MAP3K19: variants seen among roughly 807,000 people sequenced by gnomAD.
The protein encoded by MAP3K19 is mitogen-activated protein kinase kinase kinase 19, also known as SPS1/STE20-related protein kinase YSK4.
Under a neutral mutation model 114.4 loss-of-function variants are expected in MAP3K19, and 91 were observed. That is an observed-to-expected ratio of 0.80 (90% confidence interval 0.67 to 0.95). The LOEUF (loss-of-function observed/expected upper bound fraction) is 0.95, where lower values mean the gene tolerates loss of function less well. Among genes scored for constraint, MAP3K19 ranks in the 40% least tolerant of loss-of-function variants. MAP3K19 has a pLI of 0.00. For synonymous variants in MAP3K19, 518 were observed against 530.5 expected, an observed-to-expected ratio of 0.98 and a Z score of 0.32; for missense variants, 1,471 against 1,573.2, an observed-to-expected ratio of 0.94 and a Z score of 1.10.
chr2:135,042,295 G>T (rs1688660555), intron 1 of MAP3K19, among the ~76,000 whole-genome samples: 1 of 152,064 alleles, frequency 6.6e-6, no homozygotes, highest in Non-Finnish European at 1.5e-5. Flanking sequence ...GAGGTCAGGA[G>T]ATTGAGACCA....
chr2:135,032,006 T>A (rs1030498262), intron 2 of MAP3K19, among the ~76,000 whole-genome samples: 1 of 152,036 alleles, frequency 6.6e-6, no homozygotes, highest in African/African-American at 2.4e-5. Flanking sequence ...AAATCAAAAA[T>A]TCAGATAACA....
chr2:134,986,393 T>A lies in MAP3K19; in HGVS notation c.2479A>T (p.Asn827Tyr). 21 of 1,613,930 alleles carry A rather than the reference T, an allele frequency of 1.3e-5. No homozygotes were observed. Among genetic ancestry groups the A allele is most frequent in the Non-Finnish European group, 1.8e-5 (21 of 1,180,018 alleles). Residue 827 changes from asparagine (N) to tyrosine (Y), a missense_variant, in exon 10 of 13, where the codon AAT becomes TAT. Physicochemically the swap from Asn to Tyr is moderately radical, Grantham distance 143. Transcript: ENST00000392915. ...CTGAGGCTTGTGGTGAGTATTTGAT[T>A]GTTAGAAATGTCTCTATCACCAGTA... is the stretch of plus-strand genomic sequence containing the variant. ...ESTGDRDISN[N>Y]QILTTSLRDL...
chr2:135,013,951 T>A (rs1687411366), intron 5 of MAP3K19, among the ~76,000 whole-genome samples: 1 of 152,192 alleles, frequency 6.6e-6, no homozygotes, highest in Non-Finnish European at 1.5e-5. Flanking sequence ...GTAGCTTCCT[T>A]AAAAGGTATA....
In MAP3K19 at chr2:134,999,891, C is replaced by T; in HGVS notation, c.314+46G>A. The T allele has an allele frequency of 7.9e-7, 1 of 1,265,064 alleles. No individual in the cohort carries two copies. Among genetic ancestry groups the T allele is most frequent in the Non-Finnish European group, 1.2e-6 (1 of 863,032 alleles). 78.4% of individuals were successfully genotyped at this position (1,265,064 alleles called of 1,614,324 possible). A position where few individuals can be genotyped will look rare whatever the true frequency, so the allele number is the denominator to read the frequency against. On this transcript the variant is annotated intron_variant, in intron 7 of 12. Coordinates refer to ENST00000392915, the MANE Select transcript of MAP3K19 (RefSeq NM_025052.5). This position sits in a 1 kb window ranked among gnomAD's most constrained non-coding sequence, Gnocchi z 4.1. Reference sequence around the variant, plus strand: ...GTAGGTTGCCATATGACTATCATTGCTTCATACTTCATTTCAAATCTGATA... The same window carrying T: ...GTAGGTTGCCATATGACTATCATTGTTTCATACTTCATTTCAAATCTGATA...
intron 12 of MAP3K19, among the ~76,000 whole-genome samples, chr2:134,979,724 G>T (rs987077392): frequency 6.9e-6 from 1 of 145,470 alleles, no homozygotes; most frequent in Non-Finnish European, 1.5e-5. Context: ...GAAACCTAAG[G>T]GTTCTCTGCA....
intron 5 of MAP3K19, among the ~76,000 whole-genome samples, chr2:135,006,334 G>A (rs1179289731): frequency 6.6e-6 from 1 of 152,068 alleles, no homozygotes; most frequent in Non-Finnish European, 1.5e-5. Context: ...GATCTAGGTG[G>A]ACTACCTATT....
chr2:135,044,674 G>A (rs1391735849), intron 1 of MAP3K19, among the ~76,000 whole-genome samples: 1 of 152,160 alleles, frequency 6.6e-6, no homozygotes, highest in Admixed American at 6.6e-5. Context: ...CCGTTTTCAT[G>A]TTTGGACCTT....
rs1476573281 is a variant in MAP3K19 at position 134,964,831 on chromosome 2, A to G, written c.*19T>C. On this transcript the variant is annotated 3_prime_UTR_variant, in exon 13 of 13. Coordinates refer to ENST00000392915, the MANE Select transcript of MAP3K19 (RefSeq NM_025052.5). ...GGGAGCATCTGCAGTGGAACTGGGAAGAAAGTCTTGATGTATATTCAGTGA... is the reference window on the plus strand; with the variant it reads ...GGGAGCATCTGCAGTGGAACTGGGAGGAAAGTCTTGATGTATATTCAGTGA... 1.9e-6 allele frequency: 3 copies of G among 1,599,834 alleles called. No individual in the cohort carries two copies. Among genetic ancestry groups the G allele is most frequent in the Non-Finnish European group, 2.6e-6 (3 of 1,167,870 alleles).
chr2:134,964,763 G>C lies in MAP3K19; in HGVS notation c.*87C>G. 9.2e-7 allele frequency: 1 copy of C among 1,090,208 alleles called. No individual in the cohort carries two copies. Among genetic ancestry groups the C allele is most frequent in the Non-Finnish European group, 1.4e-6 (1 of 731,978 alleles). 67.5% of individuals were successfully genotyped at this position (1,090,208 alleles called of 1,614,324 possible). The stretch of plus-strand genomic sequence containing the variant: ...CTGGGTTAGACTGAATTTTCAGTGG[G>C]GAAACAAAGATCCCTTAGCCATCAT... On this transcript the variant is annotated 3_prime_UTR_variant, in exon 13 of 13. Transcript: ENST00000392915.
intron 5 of MAP3K19, among the ~76,000 whole-genome samples, chr2:135,020,049 C>T (rs1687865189): frequency 6.6e-6 from 1 of 151,778 alleles, no homozygotes; most frequent in Non-Finnish European, 1.5e-5. Context: ...TGGAGTTTCG[C>T]TCTTATTGCC....
At position 134,986,837 on chromosome 2, in the gene MAP3K19, T is replaced by C; in HGVS notation, c.2035A>G (p.Arg679Gly). 1.2e-6 allele frequency: 2 copies of C among 1,614,194 alleles called. No individual in the cohort carries two copies. The highest frequency in any genetic ancestry group is 1.7e-6 in the Non-Finnish European group (2 of 1,180,028). The part of the protein sequence containing the change: ...PVYCHVRETE[R>G]DENTYYREIC... ...TCACGGTAATACGTGTTTTCATCCCTTTCAGTCTCTCGCACATGACAATAA... is the reference window on the plus strand; with the variant it reads ...TCACGGTAATACGTGTTTTCATCCCCTTCAGTCTCTCGCACATGACAATAA... The change falls in exon 10 of 13, where the codon AGG becomes GGG. Residue 679 changes from arginine to glycine, a missense_variant. Transcript: ENST00000392915.
rs1275204141 is a variant in MAP3K19, at chr2:134,981,362, A to G, written c.3379T>C (p.Leu1127=). ...ALKHVNIVAY[L]GTCLQENTVS... ...GTGTTCTCTTGCAAGCATGTCCCCA[A>G]ATAGGCCACAATGTTGACATGTTTC... The change falls in exon 12 of 13, where the codon TTG becomes CTG. Residue 1127 remains leucine (L), a synonymous_variant. Coordinates refer to ENST00000392915, the MANE Select transcript of MAP3K19 (RefSeq NM_025052.5). 1.2e-6 allele frequency: 2 copies of G among 1,614,060 alleles called. No individual in the cohort carries two copies. The highest frequency in any genetic ancestry group is 2.7e-5 in the African/African-American group (2 of 74,910).
chr2:135,025,377 CTTTTTTTTTTTTTTT>C (rs754598942), intron 3 of MAP3K19, among the ~76,000 whole-genome samples: 4 of 69,534 alleles, frequency 5.8e-5, no homozygotes, highest in South Asian at 4.8e-4. Flanking sequence ...CTTTTCTTTT[CTTTTTTTTTTTTTTT>C]TTTTTTTTTT....
At chr2:134,980,172 A>T (rs1001118336) in intron 12 of MAP3K19, among the ~76,000 whole-genome samples, 5 of 152,174 alleles carry the variant, frequency 3.3e-5, no homozygotes, top group Non-Finnish European at 7.4e-5. Context: ...CCCCATGGAT[A>T]CACACTTTAA....
chr2:135,006,696 G>C (rs759661501), intron 5 of MAP3K19, among the ~76,000 whole-genome samples: 1 of 151,890 alleles, frequency 6.6e-6, no homozygotes, highest in South Asian at 2.1e-4. Context: ...TGTTGTCCCA[G>C]CTACTTGGCA....
Position 134,981,100 on chromosome 2 carries a change from G to C in MAP3K19, c.3641C>G (p.Ala1214Gly). 1 of 1,614,158 alleles carries C rather than the reference G, an allele frequency of 6.2e-7. No individual in the cohort carries two copies. Among genetic ancestry groups the C allele is most frequent in the African/African-American group, 1.3e-5 (1 of 75,038 alleles). ...DFGCARRLAWAGLNGTHSDML... is the reference protein window; with the variant it reads ...DFGCARRLAWGGLNGTHSDML... ...GTCACTGTGGGTGCCATTTAAACCT[G>C]CCCAGGCCAAACGCCTGGCACAGCC... The change falls in exon 12 of 13, where the codon GCA (alanine) becomes GGA (glycine). Residue 1214 changes from alanine (A) to glycine (G), a missense_variant. By Grantham distance (60) the Ala-to-Gly change is moderately conservative (BLOSUM62 0). Transcript: ENST00000392915.
Position 134,991,596 on chromosome 2 carries a change from C to T in MAP3K19, c.575-16G>A, listed in dbSNP as rs562764088. On this transcript the variant is annotated splice_polypyrimidine_tract_variant and intron_variant, in intron 8 of 12. Transcript: ENST00000392915. ...GTCGAAAACTCTACAACAAGAAAAA[C>T]AATAACTGGATATTCTTAGTAGTAG... 6.2e-7 allele frequency: 1 copy of T among 1,603,892 alleles called. No individual in the cohort carries two copies. Among genetic ancestry groups the T allele is most frequent in the South Asian group, 1.1e-5 (1 of 90,884 alleles).
chr2:134,983,460 C>T, intron 11 of MAP3K19: 1 of 589,382 alleles, frequency 1.7e-6, no homozygotes, highest in Non-Finnish European at 3.1e-6. Flanking sequence ...CTCCTGGACC[C>T]AGAGCCAGAC....
chr2:134,972,648 G>T (rs1034330381), intron 12 of MAP3K19, among the ~76,000 whole-genome samples: 71 of 151,776 alleles, frequency 4.7e-4, no homozygotes, highest in African/African-American at 1.7e-3. Flanking sequence ...TGCTACCCAG[G>T]CTGGTCTTGA....
Sources: gnomAD v4.1 joint callset for allele counts (sites outside exome capture counted in the v4.1 genomes callset) on GRCh38, gnomAD v4.1.1 for gene constraint, Gnocchi (gnomAD v3.1) non-coding constraint, MANE v1.5 for transcripts, NCBI Gene and HGNC (gene_info 2026-07-23, HGNC 2026-07-21) for gene names.